The following GTF2F2 variants were observed in gnomAD, a reference collection of about 807,000 sequenced individuals.
The protein encoded by GTF2F2 is general transcription factor IIF subunit 2.
Under a neutral mutation model 42.2 loss-of-function variants are expected in GTF2F2, and 23 were observed. The ratio of observed to expected loss-of-function variants is 0.55; its 90% CI spans 0.39 to 0.77. The LOEUF (loss-of-function observed/expected upper bound fraction) is 0.77, where lower values mean the gene tolerates loss of function less well. Among genes scored for constraint, GTF2F2 ranks in the 30% least tolerant of loss-of-function variants. GTF2F2 has a pLI of 0.00. For missense variants in GTF2F2, 261 were observed against 287.2 expected (o/e 0.91, Z 0.66); for synonymous variants, 105 against 100.8 (o/e 1.04, Z -0.25).
chr13:45,174,292 G>T (rs1042363495), intron 4 of GTF2F2, among the ~76,000 whole-genome samples: 1 of 152,120 alleles, frequency 6.6e-6, no homozygotes, highest in African/African-American at 2.4e-5. Context: ...CTTTTCCAGA[G>T]AAGCTATTTT....
rs1286112440 is a variant in GTF2F2 at position 45,174,926 on chromosome 13, A to C, written c.304+23095A>C. ...AATCAGAGTTGTTAGCATATCTGTC[A>C]CCTCAAACATTTATCATTTCTCTGT... is the stretch of plus-strand genomic sequence containing the variant. On this transcript the variant is annotated intron_variant, in intron 4 of 7. Coordinates refer to ENST00000340473, the MANE Select transcript of GTF2F2 (RefSeq NM_004128.3). 2.6e-5 allele frequency among the ~76,000 whole-genome samples: 4 copies of C among 152,172 alleles called. No homozygotes were observed. The South Asian group carries it at 6.2e-4, about 24-fold the overall frequency.
chr13:45,161,845 AAAAG>A (rs2138132807), intron 4 of GTF2F2, among the ~76,000 whole-genome samples: 1 of 152,332 alleles, frequency 6.6e-6, no homozygotes, highest in South Asian at 2.1e-4. Flanking sequence ...CTCTGTCTCA[AAAAG>A]AAAAAATGAA....
intron 4 of GTF2F2, among the ~76,000 whole-genome samples, chr13:45,189,135 G>A (rs764490891): frequency 2.2e-4 from 33 of 152,150 alleles, no homozygotes; most frequent in Admixed American, 3.3e-4. Context: ...TCCCACTTAC[G>A]AGTGAGAACA....
intron 4 of GTF2F2, among the ~76,000 whole-genome samples, chr13:45,203,333 C>G (rs964618290): frequency 6.6e-6 from 1 of 151,878 alleles, no homozygotes; most frequent in African/African-American, 2.4e-5. Context: ...GATCTGCCCT[C>G]CTCGGCTTCC....
intron 5 of GTF2F2, among the ~76,000 whole-genome samples, chr13:45,226,562 T>G (rs555944921): frequency 1.9e-4 from 29 of 152,312 alleles, no homozygotes; most frequent in Non-Finnish European, 3.5e-4. Flanking sequence ...GAATATTATA[T>G]TCCCCATTAT....
chr13:45,225,294 A>G (rs1874287275), intron 5 of GTF2F2, among the ~76,000 whole-genome samples: 1 of 152,090 alleles, frequency 6.6e-6, no homozygotes, highest in South Asian at 2.1e-4. Context: ...TTTCATCTGT[A>G]ATTTAAACTA....
At chr13:45,216,279 G>A (rs1873885035) in intron 5 of GTF2F2, among the ~76,000 whole-genome samples, 1 of 152,096 alleles carries the variant, frequency 6.6e-6, no homozygotes, top group African/African-American at 2.4e-5. Flanking sequence ...ACATATATAT[G>A]TATATTTCCT....
rs1033892119 is a variant in GTF2F2 at position 45,282,640 on chromosome 13, G to T, written c.631-802G>T. On this transcript the variant is annotated intron_variant, in intron 7 of 7. Transcript: ENST00000340473. ...CTGCCTCAGTCTCTCTAGTAGCTGGGATTACAGGTTCCCACCACCATGCCT... is the reference window on the plus strand; with the variant it reads ...CTGCCTCAGTCTCTCTAGTAGCTGGTATTACAGGTTCCCACCACCATGCCT... Among the ~76,000 whole-genome samples, 3 of 152,146 alleles carry T rather than the reference G, an allele frequency of 2.0e-5. No homozygotes were observed. In the South Asian group the frequency reaches 6.2e-4, roughly 32 times the overall value.
intron 4 of GTF2F2, among the ~76,000 whole-genome samples, chr13:45,190,346 A>G (rs1347877672): frequency 1.3e-5 from 2 of 152,214 alleles, no homozygotes; most frequent in East Asian, 1.9e-4. Flanking sequence ...GGTTGTATCA[A>G]GTGAGGCAAA....
intron 4 of GTF2F2, among the ~76,000 whole-genome samples, chr13:45,188,519 A>G (rs1872513263): frequency 6.6e-6 from 1 of 152,212 alleles, no homozygotes; most frequent in African/African-American, 2.4e-5. Context: ...TTTTTACTGG[A>G]CAAGATAATA....
At chr13:45,158,186 A>G (rs1870859314) in intron 4 of GTF2F2, among the ~76,000 whole-genome samples, 1 of 152,110 alleles carries the variant, frequency 6.6e-6, no homozygotes, top group Non-Finnish European at 1.5e-5. Flanking sequence ...ACCTGGTGGG[A>G]GATAATTGAA....
chr13:45,193,119 TTTAC>T (rs1267297592), intron 4 of GTF2F2: 1 of 152,252 alleles, frequency 6.6e-6, no homozygotes, highest in African/African-American at 2.4e-5. Flanking sequence ...AGTGCTTTTA[TTTAC>T]TTTTTATTGT....
chr13:45,283,864 A>C lies in GTF2F2; in HGVS notation c.*303A>C, dbSNP rs2138284133. On this transcript the variant is annotated 3_prime_UTR_variant, in exon 8 of 8. Coordinates refer to ENST00000340473, the MANE Select transcript of GTF2F2 (RefSeq NM_004128.3). The stretch of plus-strand genomic sequence containing the variant: ...TAGCTTTTAATGTGTACAATTAGGA[A>C]ATTTTTTTAAGTGAGGACTCTCTAC... 1 of 159,294 alleles carries C rather than the reference A, an allele frequency of 6.3e-6. No individual in the cohort carries two copies. Among genetic ancestry groups the C allele is most frequent in the African/African-American group, 2.4e-5 (1 of 41,788 alleles). 9.9% of individuals were successfully genotyped at this position (159,294 alleles called of 1,614,324 possible).
Position 45,261,125 on chromosome 13 carries a change from CAAAAA to C in GTF2F2, c.487-6106_487-6102del, listed in dbSNP as rs542532230. ...TAAGCAACAGAGTGAGACCCCATCT[CAAAAA>C]AGAAAAGGTTTGGGGGCCGGGTGCA... is the stretch of plus-strand genomic sequence containing the variant. On this transcript the variant is annotated intron_variant, in intron 6 of 7. Coordinates refer to ENST00000340473, the MANE Select transcript of GTF2F2 (RefSeq NM_004128.3). 2.8e-4 allele frequency among the ~76,000 whole-genome samples: 43 copies of C among 151,670 alleles called. No individual in the cohort carries two copies. In the South Asian group the frequency reaches 8.5e-3, roughly 30 times the overall value.
chr13:45,266,143 G>A (rs1876551543), intron 6 of GTF2F2, among the ~76,000 whole-genome samples: 1 of 152,128 alleles, frequency 6.6e-6, no homozygotes, highest in Non-Finnish European at 1.5e-5. Context: ...ATGCATGGAG[G>A]TACACAAAAC....
Position 45,151,676 on chromosome 13 carries a change from G to C in GTF2F2, c.160-11G>C. The C allele has an allele frequency of 6.4e-7, 1 of 1,569,524 alleles. No individual in the cohort carries two copies. Among genetic ancestry groups the C allele is most frequent in the South Asian group, 1.1e-5 (1 of 89,066 alleles). The stretch of plus-strand genomic sequence containing the variant: ...AAGTCTGTTATAATCTCTGGTTAAT[G>C]TGTCTATTAGGTGTCATTTACTTTG... On this transcript the variant is annotated splice_polypyrimidine_tract_variant and intron_variant, in intron 3 of 7. Coordinates refer to ENST00000340473, the MANE Select transcript of GTF2F2 (RefSeq NM_004128.3).
intron 7 of GTF2F2, among the ~76,000 whole-genome samples, chr13:45,279,917 C>G (rs1001131891): frequency 1.3e-5 from 2 of 151,620 alleles, no homozygotes; most frequent in Non-Finnish European, 2.9e-5. Context: ...ACCGTCCCCC[C>G]GCCCCCCCCA....
At chr13:45,192,652 ACTT>A (rs1297000136) in intron 4 of GTF2F2, among the ~76,000 whole-genome samples, 1 of 152,188 alleles carries the variant, frequency 6.6e-6, no homozygotes, top group East Asian at 1.9e-4. Context: ...TTTGTAGACT[ACTT>A]CATTGAAACG....
intron 4 of GTF2F2, among the ~76,000 whole-genome samples, chr13:45,177,309 A>G (rs1178990750): frequency 1.3e-5 from 2 of 152,122 alleles, no homozygotes; most frequent in Admixed American, 1.3e-4. Context: ...TTTGGTAGCA[A>G]AGTTATACAG....
Sources: allele counts gnomAD v4.1 joint callset (sites outside exome capture counted in the v4.1 genomes callset), GRCh38; gene constraint gnomAD v4.1.1; transcripts MANE v1.5; gene names NCBI Gene and HGNC (gene_info 2026-07-23, HGNC 2026-07-21).